The following KCNQ3 variants were observed in gnomAD, a reference collection of about 807,000 sequenced individuals.
The protein encoded by KCNQ3 is potassium voltage-gated channel subfamily Q member 3.
KCNQ3 carries 30 observed loss-of-function variants against 92.5 expected under a neutral mutation model. That is an observed-to-expected ratio of 0.32 (90% confidence interval 0.24 to 0.44). The LOEUF is 0.44. Ranked by LOEUF, KCNQ3 falls within the 20% of genes least tolerant of loss-of-function variation. The pLI is 1.00. For synonymous variants in KCNQ3, 450 were observed against 468.8 expected (o/e 0.96, Z 0.52); for missense variants, 913 against 1,140.3 (o/e 0.80, Z 2.87).
chr8:132,281,782 G>A (rs532997816), intron 1 of KCNQ3, among the ~76,000 whole-genome samples: 1 of 152,234 alleles, frequency 6.6e-6, no homozygotes, highest in South Asian at 2.1e-4. Flanking sequence ...ACCTTCAGAT[G>A]CTCAAAACCC....
At chr8:132,480,078 G>C (rs929240082) in intron 1 of KCNQ3, 69 bp downstream of exon 1, 2 of 1,480,854 alleles carry the variant, frequency 1.4e-6, no homozygotes, top group Admixed American at 3.8e-5. Flanking sequence ...AGACTTCTCA[G>C]CTCCAGCCCC....
At chr8:132,270,755 A>C in intron 1 of KCNQ3, among the ~76,000 whole-genome samples, 1 of 152,236 alleles carries the variant, frequency 6.6e-6, no homozygotes, top group East Asian at 1.9e-4. Flanking sequence ...ATTTTTATAG[A>C]ATATTTCTTT....
At chr8:132,437,782 A>G (rs141031047) in intron 1 of KCNQ3, among the ~76,000 whole-genome samples, 1,727 of 152,286 alleles carry the variant, frequency 0.011, 42 homozygotes, top group African/African-American at 0.04. Context: ...CCAGGCCCCA[A>G]ATACCCATCC....
chr8:132,422,891 G>A (rs1821011748), intron 1 of KCNQ3, among the ~76,000 whole-genome samples: 1 of 152,130 alleles, frequency 6.6e-6, no homozygotes, highest in Admixed American at 6.6e-5. Flanking sequence ...ACAAGAAATT[G>A]CATGAGTGAA....
intron 1 of KCNQ3, among the ~76,000 whole-genome samples, chr8:132,186,933 TGAGAGAGA>T (rs1206881344): frequency 9.4e-6 from 1 of 106,494 alleles, no homozygotes; most frequent in African/African-American, 4.0e-5. Context: ...TGTGTGTGTG[TGAGAGAGA>T]GAGAGAGAGA....
chr8:132,383,932 G>C (rs1819825549), intron 1 of KCNQ3, among the ~76,000 whole-genome samples: 2 of 152,150 alleles, frequency 1.3e-5, no homozygotes, highest in Admixed American at 1.3e-4. Context: ...TTAAATGAGT[G>C]AATAGAGGAA....
At chr8:132,154,086 C>A (rs1422617663) in intron 9 of KCNQ3, among the ~76,000 whole-genome samples, 3 of 151,694 alleles carry the variant, frequency 2.0e-5, no homozygotes, top group African/African-American at 4.8e-5. Context: ...TCAGATGGAT[C>A]CTCCAAACTG....
intron 1 of KCNQ3, among the ~76,000 whole-genome samples, chr8:132,430,587 G>A (rs1295966507): frequency 6.6e-6 from 1 of 152,194 alleles, no homozygotes; most frequent in Non-Finnish European, 1.5e-5. Context: ...CCATGAGTCT[G>A]TGCAAGTTCT....
intron 1 of KCNQ3, among the ~76,000 whole-genome samples, chr8:132,248,704 T>C (rs1403404135): frequency 2.6e-5 from 4 of 152,222 alleles, no homozygotes; most frequent in Admixed American, 6.5e-5. Flanking sequence ...CCACCAGAAC[T>C]GGGCACAGGC....
chr8:132,216,910 G>T (rs1399780166), intron 1 of KCNQ3, among the ~76,000 whole-genome samples: 2 of 152,070 alleles, frequency 1.3e-5, no homozygotes, highest in Non-Finnish European at 2.9e-5. Context: ...CCACTCTTAA[G>T]AGTCTCTGGA....
chr8:132,437,155 T>A (rs932319643), intron 1 of KCNQ3, among the ~76,000 whole-genome samples: 1 of 151,702 alleles, frequency 6.6e-6, no homozygotes, highest in Non-Finnish European at 1.5e-5. Flanking sequence ...GGCGGGCACC[T>A]GTAGTCCCAG....
At position 132,289,631 on chromosome 8, in the gene KCNQ3, A is replaced by G. The variant is rs1052765762; in HGVS notation, c.387-103450T>C. Among the ~76,000 whole-genome samples, 31 of 152,212 alleles carry G rather than the reference A, an allele frequency of 2.0e-4. 1 individual carries two copies. On this transcript the variant is annotated intron_variant, in intron 1 of 14. Transcript: ENST00000388996. ...TAATCTGAGATAATCCTCCCATCTC[A>G]AGATCCTTAACTAGGGTAACATTCA...
At chr8:132,134,226 G>T in intron 13 of KCNQ3, 64 bp downstream of exon 13, 1 of 1,174,526 alleles carries the variant, frequency 8.5e-7, no homozygotes, top group South Asian at 1.2e-5. Flanking sequence ...GCAGAGGTTT[G>T]GGGGTGGGGA....
chr8:132,154,498 C>A (rs1418851387), intron 9 of KCNQ3, among the ~76,000 whole-genome samples: 1 of 152,098 alleles, frequency 6.6e-6, no homozygotes, highest in Non-Finnish European at 1.5e-5. Context: ...CAGTTAAGAT[C>A]TGTCTTCATC....
rs183159579 is a variant in KCNQ3, at chr8:132,428,231, C to T, written c.386+51916G>A. ...TCTTTGTGCCATTCTCCTACCACCC[C>T]CTCCTCTTTAAGATCTTCTTTTTCT... On this transcript the variant is annotated intron_variant, in intron 1 of 14. Transcript: ENST00000388996. Among the ~76,000 whole-genome samples, 354 of 152,218 alleles carry T rather than the reference C, an allele frequency of 2.3e-3. 5 individuals are homozygous for T. The highest frequency in any genetic ancestry group is 1.7e-3 in the East Asian group (9 of 5,170).
chr8:132,395,107 A>T (rs553897107), intron 1 of KCNQ3, among the ~76,000 whole-genome samples: 1 of 152,204 alleles, frequency 6.6e-6, no homozygotes, highest in Admixed American at 6.5e-5. Context: ...TTAAAAATTT[A>T]ATGTAATTTA....
intron 1 of KCNQ3, among the ~76,000 whole-genome samples, chr8:132,446,454 C>T (rs1289917765): frequency 6.6e-6 from 1 of 152,152 alleles, no homozygotes; most frequent in Non-Finnish European, 1.5e-5. Context: ...ATCTGTGTGT[C>T]CTTAAGCAAA....
intron 1 of KCNQ3, among the ~76,000 whole-genome samples, chr8:132,410,037 G>A (rs181291081): frequency 1.3e-5 from 2 of 152,352 alleles, no homozygotes; most frequent in African/African-American, 4.8e-5. Flanking sequence ...GATGAGGCAA[G>A]AGGATCGCTT....
chr8:132,432,003 T>C (rs1821263584), intron 1 of KCNQ3, among the ~76,000 whole-genome samples: 1 of 152,184 alleles, frequency 6.6e-6, no homozygotes, highest in South Asian at 2.1e-4. Flanking sequence ...CCAAAGCAAT[T>C]TAAAGCACAT....
Sources: gnomAD v4.1 joint callset for allele counts (sites outside exome capture counted in the v4.1 genomes callset) on GRCh38, gnomAD v4.1.1 for gene constraint, MANE v1.5 for transcripts, NCBI Gene and HGNC (gene_info 2026-07-23, HGNC 2026-07-21) for gene names.